Variants in ALDH1L1 observed in about 807,000 individuals in gnomAD.
ALDH1L1 encodes aldehyde dehydrogenase 1 family member L1, also known as cytosolic 10-formyltetrahydrofolate dehydrogenase.
In ALDH1L1, 68 loss-of-function variants were observed where a neutral mutation model predicts 101.1. The ratio of observed to expected loss-of-function variants is 0.67; its 90% confidence interval spans 0.55 to 0.82. The LOEUF is 0.82. Ranked by LOEUF, ALDH1L1 falls within the 40% of genes least tolerant of loss-of-function variation. ALDH1L1 has a pLI of 0.00. For missense variants in ALDH1L1, 1,087 were observed against 1,172.7 expected, an observed-to-expected ratio of 0.93 and a Z score of 1.07; for synonymous variants, 486 against 470.8, an observed-to-expected ratio of 1.03 and a Z score of -0.42.
intron 1 of ALDH1L1, among the ~76,000 whole-genome samples, chr3:126,186,811 G>A (rs1247615041): frequency 2.0e-5 from 3 of 152,172 alleles, no homozygotes; most frequent in African/African-American, 4.8e-5. Flanking sequence ...TCCAGTCAGT[G>A]GAGAGCCCAC....
At chr3:126,144,791 C>G (rs2364373) in intron 9 of ALDH1L1, among the ~76,000 whole-genome samples, 34,214 of 152,158 alleles carry the variant, frequency 0.22, 4,723 homozygotes, top group African/African-American at 0.39. Context: ...TCTTTGCAAT[C>G]ATTTCCTGAA....
chr3:126,189,352 G>A (rs6795005), intron 1 of ALDH1L1, among the ~76,000 whole-genome samples: 40,477 of 152,000 alleles, frequency 0.27, 6,068 homozygotes, highest in African/African-American at 0.4. Context: ...TAGTTCCCAC[G>A]TATTGGGAAA....
intron 19 of ALDH1L1, chr3:126,110,372 TGAG>T: frequency 1.9e-6 from 1 of 522,054 alleles, no homozygotes; most frequent in East Asian, 3.3e-5. Context: ...GGGGTGTGGG[TGAG>T]GAGGACAGAG....
At chr3:126,105,561 C>T (rs1372395312) in intron 22 of ALDH1L1, 165 bp downstream of exon 22, 1 of 781,558 alleles carries the variant, frequency 1.3e-6, no homozygotes, top group Admixed American at 2.0e-5. Context: ...GCATCTTGCT[C>T]ACGGACTTGT....
intron 7 of ALDH1L1, chr3:126,151,784 G>T: frequency 6.4e-6 from 1 of 156,532 alleles, no homozygotes. Context: ...ACTCCACAGG[G>T]CGTGGCTGAG....
chr3:126,118,861 G>A (rs577589966), intron 16 of ALDH1L1, among the ~76,000 whole-genome samples: 1 of 151,778 alleles, frequency 6.6e-6, no homozygotes, highest in South Asian at 2.1e-4. Context: ...CCCGTCCCAC[G>A]CCCCCAGCCC....
In ALDH1L1 at chr3:126,160,862, C is replaced by T. The variant is rs201748366; in HGVS notation, c.118G>A (p.Asp40Asn). The change falls in exon 2 of 23, where the codon GAC (aspartate) becomes AAC (asparagine). Residue 40 changes from aspartate to asparagine, a missense_variant. By Grantham distance (23) the Asp-to-Asn change is conservative. This residue lies in a region of ALDH1L1 where 645 missense variants were observed against 637.0 expected (regional missense o/e 1.01). Coordinates refer to ENST00000393434, the MANE Select transcript of ALDH1L1 (RefSeq NM_012190.4). Reference protein sequence around the residue: ...FTVPDKDGKADPLGLEAEKDG... With the variant: ...FTVPDKDGKANPLGLEAEKDG... The stretch of plus-strand genomic sequence containing the variant: ...CCATTGGCTCACTCACCCAGGGGGT[C>T]GGCCTTTCCATCCTTGTCTGGAACA... The T allele has an allele frequency of 3.8e-5, 62 of 1,613,856 alleles. No individual in the cohort carries two copies. The highest frequency in any genetic ancestry group is 3.3e-4 in the Middle Eastern group (2 of 6,076).
Position 126,150,434 on chromosome 3 carries a change from G to C in ALDH1L1, c.956C>G (p.Ala319Gly), listed in dbSNP as rs1422240546. The change falls in exon 8 of 23, where the codon GCA (alanine) becomes GGA (glycine). Residue 319 changes from alanine (A) to glycine (G), a missense_variant. This residue lies in a region of ALDH1L1 where 645 missense variants were observed against 637.0 expected (regional missense o/e 1.01). Coordinates refer to ENST00000393434, the MANE Select transcript of ALDH1L1 (RefSeq NM_012190.4). ...AASSVLELTE[A>G]ELVTAEAVRS... is the part of the protein sequence containing the mutation. ...CACAGCCTCCGCAGTAACCAGCTCTGCCTCTGTCAGCTCAAGGACACTGCT... is the reference window on the plus strand; with the variant it reads ...CACAGCCTCCGCAGTAACCAGCTCTCCCTCTGTCAGCTCAAGGACACTGCT... 6.4e-7 allele frequency: 1 copy of C among 1,551,542 alleles called. No homozygotes were observed.
At chr3:126,105,432 A>C in intron 22 of ALDH1L1, 2 of 424,966 alleles carry the variant, frequency 4.7e-6, no homozygotes, top group Non-Finnish European at 4.4e-6. Flanking sequence ...CCTCCCTGCT[A>C]TGCAGGTCTG....
At chr3:126,182,607 G>T (rs1036468863), upstream of ALDH1L1, among the ~76,000 whole-genome samples, 2 of 152,182 alleles carry the variant, frequency 1.3e-5, no homozygotes, top group Admixed American at 1.3e-4. Flanking sequence ...AGGAAAACTG[G>T]CTGAGTGTTA....
intron 1 of ALDH1L1, among the ~76,000 whole-genome samples, chr3:126,189,190 T>G (rs1346760512): frequency 6.6e-6 from 1 of 152,214 alleles, no homozygotes; most frequent in East Asian, 1.9e-4. Context: ...AATGGATCCC[T>G]TAGATCATGT....
chr3:126,108,640 G>A (rs957697563), intron 20 of ALDH1L1, among the ~76,000 whole-genome samples: 2 of 152,260 alleles, frequency 1.3e-5, no homozygotes, highest in Admixed American at 6.5e-5. Flanking sequence ...GGTGCCCGAT[G>A]CCCTGTGACA....
intron 5 of ALDH1L1, 133 bp from the exon 6 acceptor site, chr3:126,154,776 G>T: frequency 1.4e-6 from 1 of 735,964 alleles, no homozygotes; most frequent in Non-Finnish European, 2.3e-6. Context: ...ACTTGCAGGA[G>T]TCCCTGAGCT....
At chr3:126,110,255 A>C in intron 19 of ALDH1L1, 146 bp from the exon 20 acceptor site, 1 of 1,056,474 alleles carries the variant, frequency 9.5e-7, no homozygotes. Context: ...CTGACTCTAA[A>C]TCCACCTTCC....
upstream of ALDH1L1, among the ~76,000 whole-genome samples, chr3:126,185,250 G>A (rs370907998): frequency 1.6e-4 from 25 of 152,308 alleles, no homozygotes; most frequent in Admixed American, 7.2e-4. Flanking sequence ...GGGGTGTTGC[G>A]TGTTTGCACC....
At chr3:126,161,714 TAAG>T (rs1469636879) in intron 1 of ALDH1L1, among the ~76,000 whole-genome samples, 1 of 151,102 alleles carries the variant, frequency 6.6e-6, no homozygotes. Flanking sequence ...TTTACGAAAA[TAAG>T]ATTTTATTTT....
At chr3:126,148,396 T>C (rs2080739792) in intron 8 of ALDH1L1, among the ~76,000 whole-genome samples, 1 of 152,172 alleles carries the variant, frequency 6.6e-6, no homozygotes. Flanking sequence ...CACAGCAGGC[T>C]CTTGGAGCGT....
chr3:126,169,087 A>G (rs1286283326), intron 1 of ALDH1L1, among the ~76,000 whole-genome samples: 1 of 152,218 alleles, frequency 6.6e-6, no homozygotes, highest in East Asian at 1.9e-4. Flanking sequence ...GAACTCACAA[A>G]AAGCTAAAAT....
intron 1 of ALDH1L1, among the ~76,000 whole-genome samples, chr3:126,165,581 A>G (rs1446129477): frequency 6.6e-6 from 1 of 152,148 alleles, no homozygotes; most frequent in Admixed American, 6.5e-5. Context: ...AGTTGTTTTC[A>G]TTACTGATTC....
Sources: gnomAD v4.1 joint callset for allele counts (sites outside exome capture counted in the v4.1 genomes callset) on GRCh38, gnomAD v4.1.1 for gene constraint, gnomAD v4.1.1 regional missense constraint, MANE v1.5 for transcripts, NCBI Gene and HGNC (gene_info 2026-07-23, HGNC 2026-07-21) for gene names.